The following WDR83 variants were observed in gnomAD, a reference collection of about 807,000 sequenced individuals.
WDR83 encodes WD repeat domain 83.
WDR83 carries 37 observed loss-of-function variants against 37.7 expected under a neutral mutation model. The observed-to-expected ratio is 0.98, with a 90% confidence interval of 0.76 to 1.29. The LOEUF (loss-of-function observed/expected upper bound fraction) is 1.29, where lower values mean the gene tolerates loss of function less well. Among genes scored for constraint, WDR83 ranks in the 50% most tolerant of loss-of-function variants. The pLI is 0.00. For synonymous variants in WDR83, 174 were observed against 181.1 expected, an observed-to-expected ratio of 0.96 and a Z score of 0.31; for missense variants, 445 against 414.4, an observed-to-expected ratio of 1.07 and a Z score of -0.64.
At chr19:12,669,392 G>A (rs148141962) in intron 2 of WDR83, 30 of 1,599,554 alleles carry the variant, frequency 1.9e-5, no homozygotes, top group East Asian at 9.0e-5. Context: ...CCGACATATT[G>A]TTAGTGGACA....
chr19:12,666,822 A>G lies in WDR83; in HGVS notation c.-327A>G. On this transcript the variant is annotated 5_prime_UTR_variant, in exon 1 of 11. Coordinates refer to ENST00000418543, the MANE Select transcript of WDR83 (RefSeq NM_001099737.3). ...GGGCCAGGGCGCGGTCTGGAGGCTCACGGGAGAGAGGCTGTAGCCCTGGGC... is the reference window on the plus strand; with the variant it reads ...GGGCCAGGGCGCGGTCTGGAGGCTCGCGGGAGAGAGGCTGTAGCCCTGGGC... 9.1e-6 allele frequency: 9 copies of G among 986,470 alleles called. No homozygotes were observed. Among genetic ancestry groups the G allele is most frequent in the Non-Finnish European group, 1.2e-5 (8 of 684,658 alleles). The allele number at this position is 986,470 out of a possible 1,614,324, so 61.1% of individuals were successfully genotyped here. A position where few individuals can be genotyped will look rare whatever the true frequency, so the allele number is the denominator to read the frequency against.
At chr19:12,668,193 A>C in intron 1 of WDR83, 1 of 661,494 alleles carries the variant, frequency 1.5e-6, no homozygotes, top group Non-Finnish European at 2.6e-6. Flanking sequence ...GGGTAAGCCT[A>C]GGGTGTTCCC....
Position 12,670,238 on chromosome 19 carries a change from G to A in WDR83, c.283G>A (p.Asp95Asn). The A allele has an allele frequency of 6.2e-7, 1 of 1,614,162 alleles. No homozygotes were observed. Among genetic ancestry groups the A allele is most frequent in the South Asian group, 1.1e-5 (1 of 91,082 alleles). The change falls in exon 5 of 11, where the codon GAT (aspartate) becomes AAT (asparagine). Residue 95 changes from aspartate to asparagine, a missense_variant. Physicochemically the swap from Asp to Asn is conservative, Grantham distance 23 (BLOSUM62 1). Transcript: ENST00000418543. The stretch of plus-strand genomic sequence containing the variant: ...CGGGGACAAGGCGGTGGTTCTGTGG[G>A]ATGTGGCATCAGGGCAGGTCGTGCG... The part of the protein sequence containing the change: ...GGGDKAVVLW[D>N]VASGQVVRKF...
At chr19:12,669,631 C>A in intron 2 of WDR83, 124 bp from the exon 3 acceptor site, 1 of 944,056 alleles carries the variant, frequency 1.1e-6, no homozygotes, top group Non-Finnish European at 1.6e-6. Flanking sequence ...TCAATAGTTC[C>A]AACCCGATCA....
intron 1 of WDR83, among the ~76,000 whole-genome samples, chr19:12,667,404 T>C (rs116702610): frequency 0.022 from 3,409 of 152,298 alleles, 141 homozygotes; most frequent in African/African-American, 0.078. Context: ...CACTTGGGCC[T>C]GGGAGTTTGA....
intron 7 of WDR83, 185 bp from the exon 8 acceptor site, chr19:12,672,662 G>A (rs1213397744): frequency 2.4e-5 from 15 of 626,794 alleles, no homozygotes; most frequent in Non-Finnish European, 4.0e-5. Flanking sequence ...TTGGAAAGGG[G>A]GTGTGGGTCT....
chr19:12,673,671 C>T (rs2024487859), intron 10 of WDR83, among the ~76,000 whole-genome samples: 1 of 151,654 alleles, frequency 6.6e-6, no homozygotes, highest in African/African-American at 2.4e-5. Context: ...CCACCTCAGC[C>T]TTCCCAAGTG....
rs764380107 is a variant in WDR83, at chr19:12,673,213, A to T, written c.695A>T (p.His232Leu). The T allele has an allele frequency of 6.2e-7, 1 of 1,614,016 alleles. No individual in the cohort carries two copies. Among genetic ancestry groups the T allele is most frequent in the Admixed American group, 1.7e-5 (1 of 59,986 alleles). The change falls in exon 10 of 11, where the codon CAT becomes CTT. Residue 232 changes from histidine to leucine, a missense_variant. Coordinates refer to ENST00000418543, the MANE Select transcript of WDR83 (RefSeq NM_001099737.3). The stretch of plus-strand genomic sequence containing the variant: ...CTGTCCACCCTTAGGTACAAGGGCC[A>T]TAAGAACCAGGAATACAAGCTGGAC... Reference protein sequence around the residue: ...TGELLGEYKGHKNQEYKLDCC... With the variant: ...TGELLGEYKGLKNQEYKLDCC...
intron 2 of WDR83, 33 bp from the exon 3 acceptor site, chr19:12,669,722 G>C (rs1395691672): frequency 6.9e-7 from 1 of 1,450,274 alleles, no homozygotes; most frequent in Admixed American, 2.2e-5. Flanking sequence ...ACACCCAAGC[G>C]TGGGTTTCTA....
In WDR83 at chr19:12,675,400, C is replaced by G. The variant is rs550528491; in HGVS notation, c.799-123C>G. 1.3e-4 allele frequency: 177 copies of G among 1,385,540 alleles called. No homozygotes were observed. The African/African-American group carries it at 2.4e-3, about 18-fold the overall frequency. 85.8% of individuals were successfully genotyped at this position (1,385,540 alleles called of 1,614,324 possible). ...CTAGGAGGCAATTAGAGGCAGGTGG[C>G]TGAAGGTCGGGGAGAGGTGACTGAG... On this transcript the variant is annotated intron_variant, in intron 10 of 10. Coordinates refer to ENST00000418543, the MANE Select transcript of WDR83 (RefSeq NM_001099737.3).
chr19:12,669,068 C>T, intron 2 of WDR83: 1 of 1,573,980 alleles, frequency 6.4e-7, no homozygotes. Context: ...TCATTCCAAA[C>T]CCGCCCCCGG....
In WDR83 at chr19:12,670,190, A is replaced by C. The variant is rs2024370559; in HGVS notation, c.235A>C (p.Asn79His). ...CCTCCTTTACTCCAGCTCCTTTGAC[A>C]ACAGTAGTCTCTGCTCCGGCGGCGG... is the stretch of plus-strand genomic sequence containing the variant. ...EVLDAAGSFDNSSLCSGGGDK... is the reference protein window; with the variant it reads ...EVLDAAGSFDHSSLCSGGGDK... The change falls in exon 5 of 11, where the codon AAC (asparagine) becomes CAC (histidine). Residue 79 changes from asparagine (N) to histidine (H), a missense_variant. Coordinates refer to ENST00000418543, the MANE Select transcript of WDR83 (RefSeq NM_001099737.3). 6.2e-7 allele frequency: 1 copy of C among 1,613,902 alleles called. No homozygotes were observed. Among genetic ancestry groups the C allele is most frequent in the Non-Finnish European group, 8.5e-7 (1 of 1,179,904 alleles).
intron 7 of WDR83, chr19:12,671,298 A>C (rs2024407976): frequency 6.5e-6 from 1 of 153,996 alleles, no homozygotes; most frequent in African/African-American, 2.4e-5. Flanking sequence ...ACTGCACTCC[A>C]GCCTGGGCGA....
intron 2 of WDR83, chr19:12,668,997 G>A: frequency 1.1e-6 from 1 of 913,028 alleles, no homozygotes; most frequent in Non-Finnish European, 1.7e-6. Context: ...CAGCGTCATC[G>A]CAGCCCCACT....
At chr19:12,668,175 G>A (rs1184022266) in intron 1 of WDR83, 1 of 599,078 alleles carries the variant, frequency 1.7e-6, no homozygotes, top group South Asian at 2.0e-5. Flanking sequence ...GGGGAAGGGA[G>A]GCAGGAGGGG....
chr19:12,670,059 G>T lies in WDR83; in HGVS notation c.186G>T (p.Thr62=). 2 of 1,612,906 alleles carry T rather than the reference G, an allele frequency of 1.2e-6. No individual in the cohort carries two copies. Among genetic ancestry groups the T allele is most frequent in the African/African-American group, 2.7e-5 (2 of 75,060 alleles). Residue 62 remains threonine (T), a synonymous_variant, in exon 4 of 11, where the codon ACG becomes ACT. Transcript: ENST00000418543. ...WNPLRGTLLR[T]YSGHGYEVLD... ...CGCTTCGGGGGACGCTGCTGCGGACGTACAGCGGCCACGGCTACGAGGTGC... is the reference window on the plus strand; with the variant it reads ...CGCTTCGGGGGACGCTGCTGCGGACTTACAGCGGCCACGGCTACGAGGTGC...
chr19:12,675,155 G>T (rs561697494), intron 10 of WDR83, among the ~76,000 whole-genome samples: 1 of 152,198 alleles, frequency 6.6e-6, no homozygotes, highest in South Asian at 2.1e-4. Context: ...AGCCAGGCAT[G>T]GTGGCTCACA....
intron 7 of WDR83, chr19:12,672,601 T>A: frequency 3.7e-6 from 2 of 535,792 alleles, no homozygotes; most frequent in South Asian, 4.1e-5. Context: ...AGAGCAAAAC[T>A]CTGTCTCAAA....
At chr19:12,673,148 C>G in intron 9 of WDR83, 32 bp downstream of exon 9, 1 of 1,611,548 alleles carries the variant, frequency 6.2e-7, no homozygotes, top group Non-Finnish European at 8.5e-7. Flanking sequence ...GATCCCCTTC[C>G]CTCCTCTCCC....
Sources: gnomAD v4.1 joint callset for allele counts (sites outside exome capture counted in the v4.1 genomes callset) on GRCh38, gnomAD v4.1.1 for gene constraint, MANE v1.5 for transcripts, NCBI Gene and HGNC (gene_info 2026-07-23, HGNC 2026-07-21) for gene names.